The following GYG1 variants were observed in gnomAD, a reference collection of about 807,000 sequenced individuals.
GYG1 encodes the protein glycogenin-1.
In GYG1, 44 loss-of-function variants were observed where a neutral mutation model predicts 41.9. That is an observed-to-expected ratio of 1.05 (90% CI 0.83 to 1.35). The LOEUF (loss-of-function observed/expected upper bound fraction) is 1.35, where lower values mean the gene tolerates loss of function less well. GYG1 is among the 40% of genes most tolerant of loss of function. The pLI is 0.00. For synonymous variants in GYG1, 141 were observed against 158.1 expected (o/e 0.89, Z 0.81); for missense variants, 429 against 418.9 (o/e 1.02, Z -0.21).
chr3:149,006,369 C>T (rs1196921502), intron 4 of GYG1, among the ~76,000 whole-genome samples: 4 of 152,192 alleles, frequency 2.6e-5, no homozygotes, highest in African/African-American at 9.7e-5. Flanking sequence ...GCGTGAGCCA[C>T]TGCGCCTGGC....
At chr3:149,026,658 T>C (rs1714667546) in intron 7 of GYG1, 102 bp from the exon 8 acceptor site, 2 of 1,048,570 alleles carry the variant, frequency 1.9e-6, no homozygotes, top group Admixed American at 3.5e-5. Flanking sequence ...TTTGCTACTT[T>C]GCATGATGAT....
intron 6 of GYG1, among the ~76,000 whole-genome samples, chr3:149,025,477 T>C (rs945167110): frequency 6.6e-6 from 1 of 152,066 alleles, no homozygotes; most frequent in African/African-American, 2.4e-5. Flanking sequence ...GGCCTGGGGG[T>C]TGGGGACCCC....
At position 149,028,917 on chromosome 3, in the gene GYG1, A is replaced by G. The variant is rs1337567138; in HGVS notation, c.*1984A>G. Among the ~76,000 whole-genome samples, 1 of 152,052 alleles carries G rather than the reference A, an allele frequency of 6.6e-6. No homozygotes were observed. The highest frequency in any genetic ancestry group is 2.4e-5 in the African/African-American group (1 of 41,406). On this transcript the variant is annotated 3_prime_UTR_variant, in exon 8 of 8. Coordinates refer to ENST00000345003, the MANE Select transcript of GYG1 (RefSeq NM_004130.4). ...TGTATTTTTAGTAGAGACAGGTTTC[A>G]CCATGTTGCCAGGATGGTCTCAATC...
rs1349222532 is a variant in GYG1 at position 149,031,656 on chromosome 3, C to T, written c.*4723C>T. 1.3e-5 allele frequency: 2 copies of T among 152,152 alleles called. No homozygotes were observed. Among genetic ancestry groups the T allele is most frequent in the African/African-American group, 4.8e-5 (2 of 41,428 alleles). 9.4% of individuals were successfully genotyped at this position (152,152 alleles called of 1,614,324 possible). On this transcript the variant is annotated 3_prime_UTR_variant, in exon 8 of 8. Coordinates refer to ENST00000345003, the MANE Select transcript of GYG1 (RefSeq NM_004130.4). ...TCCAAGTCATTTATGTGAACTATAT[C>T]TCAATGTAGCTGTAGGAAAAATAAA...
intron 4 of GYG1, chr3:149,007,942 T>G (rs1047071454): frequency 1.6e-4 from 25 of 152,362 alleles, no homozygotes; most frequent in African/African-American, 5.8e-4. Flanking sequence ...AGAATGTGTC[T>G]TGTATTGTTT....
At chr3:149,020,349 G>A (rs992702526) in intron 5 of GYG1, among the ~76,000 whole-genome samples, 10 of 152,148 alleles carry the variant, frequency 6.6e-5, no homozygotes, top group East Asian at 1.9e-4. Flanking sequence ...ATTAACAAAC[G>A]TCACTCTCAG....
rs71617495 is a variant in GYG1 at position 149,022,498 on chromosome 3, C to CT, written c.609-1537dup. On this transcript the variant is annotated intron_variant, in intron 5 of 7. Coordinates refer to ENST00000345003, the MANE Select transcript of GYG1 (RefSeq NM_004130.4). ...AACAGTACCTTTTTTCTTGTTTTGCCTTTTTTTTTTTTTTTTTTGAGATGG... is the reference window on the plus strand; with the variant it reads ...AACAGTACCTTTTTTCTTGTTTTGCCTTTTTTTTTTTTTTTTTTTGAGATGG... Among the ~76,000 whole-genome samples, 325 of 69,566 alleles carry CT rather than the reference C, an allele frequency of 4.7e-3. 37 individuals are homozygous for CT. The highest frequency in any genetic ancestry group is 7.7e-3 in the African/African-American group (130 of 16,814). 45.6% of individuals were successfully genotyped at this position (69,566 alleles called of 152,430 possible).
chr3:149,026,714 G>C, intron 7 of GYG1, 46 bp from the exon 8 acceptor site: 1 of 1,383,446 alleles, frequency 7.2e-7, no homozygotes, highest in Non-Finnish European at 1.0e-6. Flanking sequence ...CTTTAAAACA[G>C]TTTGATTTTC....
chr3:149,010,327 C>CTT lies in GYG1; in HGVS notation c.608+942_608+943dup, dbSNP rs11480779. On this transcript the variant is annotated intron_variant, in intron 5 of 7. Coordinates refer to ENST00000345003, the MANE Select transcript of GYG1 (RefSeq NM_004130.4). Reference sequence around the variant, plus strand: ...AGCACGCACAGTCCCTGGTGCAGTTCTTTTTTTTTTTTTTTTTTGAGACGA... The same window carrying CTT: ...AGCACGCACAGTCCCTGGTGCAGTTCTTTTTTTTTTTTTTTTTTTTGAGACGA... Among the ~76,000 whole-genome samples, 1,108 of 129,420 alleles carry CTT rather than the reference C, an allele frequency of 8.6e-3. 23 individuals are homozygous for CTT. Among genetic ancestry groups the CTT allele is most frequent in the African/African-American group, 0.03 (966 of 32,116 alleles). The allele number at this position is 129,420 out of a possible 152,430, so 84.9% of individuals were successfully genotyped here. A position where few individuals can be genotyped will look rare whatever the true frequency, so the allele number is the denominator to read the frequency against.
chr3:148,991,681 G>T, intron 1 of GYG1, 34 bp downstream of exon 1: 3 of 1,493,240 alleles, frequency 2.0e-6, no homozygotes, highest in South Asian at 2.4e-5. Flanking sequence ...GCCAGCCCCG[G>T]GACCCCGGCT....
At chr3:149,017,404 T>C (rs1040600043) in intron 5 of GYG1, among the ~76,000 whole-genome samples, 47 of 152,084 alleles carry the variant, frequency 3.1e-4, no homozygotes, top group African/African-American at 1.1e-3. Context: ...TCAACCTTTT[T>C]TTTTTTTTAA....
At chr3:149,026,338 G>A in intron 6 of GYG1, 114 bp from the exon 7 acceptor site, 1 of 779,052 alleles carries the variant, frequency 1.3e-6, no homozygotes. Flanking sequence ...AGCCTGTTGG[G>A]TATCATTTTG....
intron 5 of GYG1, among the ~76,000 whole-genome samples, chr3:149,019,774 A>T (rs1714269714): frequency 1.3e-5 from 2 of 152,220 alleles, no homozygotes. Flanking sequence ...GATTGTTTCC[A>T]AATGGTGTTC....
At chr3:148,993,839 T>C (rs1372976393) in intron 1 of GYG1, among the ~76,000 whole-genome samples, 1 of 152,182 alleles carries the variant, frequency 6.6e-6, no homozygotes, top group African/African-American at 2.4e-5. Flanking sequence ...CATCTGTTAG[T>C]TGCCTGGAGT....
At chr3:149,004,815 T>C (rs1360324956) in intron 4 of GYG1, among the ~76,000 whole-genome samples, 2 of 152,234 alleles carry the variant, frequency 1.3e-5, no homozygotes, top group Non-Finnish European at 2.9e-5. Flanking sequence ...TTGCTTGTTT[T>C]CTGTACACCC....
At chr3:148,997,890 C>G (rs1302990113) in intron 4 of GYG1, among the ~76,000 whole-genome samples, 1 of 152,200 alleles carries the variant, frequency 6.6e-6, no homozygotes, top group Non-Finnish European at 1.5e-5. Context: ...TTCCTCCTCT[C>G]CCCTTTCCAA....
rs71617496 is a variant in GYG1, at chr3:149,028,705, A to ATTTTTTTTTTTTTTTTTTTTTTTT, written c.*1795_*1796insTTTTTTTTTTTTTTTTTTTTTTTT. Among the ~76,000 whole-genome samples the ATTTTTTTTTTTTTTTTTTTTTTTT allele has an allele frequency of 4.5e-5, 6 of 133,720 alleles. No individual in the cohort carries two copies. The highest frequency in any genetic ancestry group is 7.9e-5 in the Non-Finnish European group (5 of 63,392). The allele number at this position is 133,720 out of a possible 152,430, so 87.7% of individuals were successfully genotyped here. A position where few individuals can be genotyped will look rare whatever the true frequency, so the allele number is the denominator to read the frequency against. ...GGTGGAAAAGCTGACATAGTTTTAA[A>ATTTTTTTTTTTTTTTTTTTTTTTT]TTTTTTTTTTTTTTTTTTTTTTTCT... is the stretch of plus-strand genomic sequence containing the variant. On this transcript the variant is annotated 3_prime_UTR_variant, in exon 8 of 8. Transcript: ENST00000345003.
intron 4 of GYG1, among the ~76,000 whole-genome samples, chr3:149,005,429 A>G (rs1276246640): frequency 6.6e-6 from 1 of 152,198 alleles, no homozygotes; most frequent in Non-Finnish European, 1.5e-5. Flanking sequence ...TTATAATCAC[A>G]ATGTATGTAG....
At chr3:149,002,292 A>G (rs555679726) in intron 4 of GYG1, among the ~76,000 whole-genome samples, 1 of 152,354 alleles carries the variant, frequency 6.6e-6, no homozygotes, top group East Asian at 1.9e-4. Flanking sequence ...ACTAATACAC[A>G]GTTATGTAAT....
Sources: allele counts gnomAD v4.1 joint callset (sites outside exome capture counted in the v4.1 genomes callset), GRCh38; gene constraint gnomAD v4.1.1; transcripts MANE v1.5; gene names NCBI Gene and HGNC (gene_info 2026-07-23, HGNC 2026-07-21).